NLRP13: variants seen among roughly 807,000 people sequenced by gnomAD.
NLRP13 encodes the protein NACHT, LRR and PYD domains-containing protein 13.
NLRP13 carries 82 observed loss-of-function variants against 94.4 expected under a neutral mutation model. The observed-to-expected ratio is 0.87, with a 90% confidence interval of 0.73 to 1.04. NLRP13 has a LOEUF of 1.04. Among genes scored for constraint, NLRP13 ranks in the 50% least tolerant of loss-of-function variants. NLRP13 has a pLI of 0.00. For missense variants in NLRP13, 1,426 were observed against 1,230.8 expected, an observed-to-expected ratio of 1.16 and a Z score of -2.37; for synonymous variants, 553 against 464.7, an observed-to-expected ratio of 1.19 and a Z score of -2.45.
chr19:55,928,385 C>T (rs1987021903), intron 1 of NLRP13, among the ~76,000 whole-genome samples: 1 of 152,158 alleles, frequency 6.6e-6, no homozygotes, highest in African/African-American at 2.4e-5. Flanking sequence ...TATACACCTA[C>T]TAAGTATCCA....
chr19:55,917,751 ACCAG>A (rs1986707224), intron 4 of NLRP13, among the ~76,000 whole-genome samples: 1 of 130,826 alleles, frequency 7.6e-6, no homozygotes, highest in Admixed American at 7.4e-5. Context: ...ATACATCCAT[ACCAG>A]AGTACCTAGA....
intron 7 of NLRP13, among the ~76,000 whole-genome samples, chr19:55,906,619 G>A (rs959610889): frequency 3.3e-5 from 5 of 152,106 alleles, no homozygotes; most frequent in African/African-American, 9.7e-5. Flanking sequence ...CCAGGCTGAG[G>A]AAGTTGAGAC....
chr19:55,930,519 C>A (rs1987085838), intron 1 of NLRP13, among the ~76,000 whole-genome samples: 1 of 151,744 alleles, frequency 6.6e-6, no homozygotes, highest in Non-Finnish European at 1.5e-5. Flanking sequence ...AACCCCGTCT[C>A]TACTACAAAT....
chr19:55,901,022 A>G (rs1986154604), intron 9 of NLRP13, among the ~76,000 whole-genome samples: 1 of 152,116 alleles, frequency 6.6e-6, no homozygotes, highest in Non-Finnish European at 1.5e-5. Context: ...CATAACCAGC[A>G]CTCAGTAAAA....
Position 55,896,050 on chromosome 19 carries a change from G to A in NLRP13, c.3027C>T (p.Ser1009=), listed in dbSNP as rs149891069. The part of the protein sequence containing the change: ...HLFSVLSSSK[S]LVNLNLLGNE... Reference sequence around the variant, plus strand: ...TGCCTAGAAGGTTCAGATTGACCAGGCTCTTACTGCTGCTGAGAACAGAGA... The same window carrying A: ...TGCCTAGAAGGTTCAGATTGACCAGACTCTTACTGCTGCTGAGAACAGAGA... The change falls in exon 11 of 11, where the codon AGC becomes AGT. Residue 1009 remains serine, a synonymous_variant. Transcript: ENST00000342929. 11 of 1,614,056 alleles carry A rather than the reference G, an allele frequency of 6.8e-6. No homozygotes were observed. The highest frequency in any genetic ancestry group is 1.7e-5 in the Admixed American group (1 of 59,996).
At chr19:55,904,002 C>T (rs902210650) in intron 8 of NLRP13, among the ~76,000 whole-genome samples, 1 of 152,162 alleles carries the variant, frequency 6.6e-6, no homozygotes, top group Non-Finnish European at 1.5e-5. Context: ...CTACACAGCC[C>T]AGCATATCCC....
In NLRP13 at chr19:55,912,190, A is replaced by T; in HGVS notation, c.1627T>A (p.Phe543Ile). Residue 543 changes from phenylalanine (F) to isoleucine (I), a missense_variant, in exon 5 of 11, where the codon TTT (phenylalanine) becomes ATT (isoleucine). Coordinates refer to ENST00000342929, the MANE Select transcript of NLRP13 (RefSeq NM_176810.2). Reference protein sequence around the residue: ...TFTHLSFQEFFAAMSFVLEEP... With the variant: ...TFTHLSFQEFIAAMSFVLEEP... ...TCTAGCACAAAGGACATGGCTGCAA[A>T]AAACTCCTGGAAACTTAGGTGGGTG... 1 of 1,614,186 alleles carries T rather than the reference A, an allele frequency of 6.2e-7. No individual in the cohort carries two copies. Among genetic ancestry groups the T allele is most frequent in the Non-Finnish European group, 8.5e-7 (1 of 1,180,034 alleles).
At chr19:55,920,210 T>C (rs950346570) in intron 4 of NLRP13, among the ~76,000 whole-genome samples, 5 of 152,182 alleles carry the variant, frequency 3.3e-5, no homozygotes, top group African/African-American at 4.8e-5. Flanking sequence ...ATGTAAGACC[T>C]GAAACTGTAA....
chr19:55,901,853 A>C (rs1986188154), intron 9 of NLRP13, among the ~76,000 whole-genome samples, 182 bp downstream of exon 9: 1 of 152,046 alleles, frequency 6.6e-6, no homozygotes, highest in South Asian at 2.1e-4. Context: ...TCCCCCAGAC[A>C]CACACACATT....
intron 1 of NLRP13, 149 bp downstream of exon 1, chr19:55,931,844 C>A (rs563377521): frequency 3.3e-5 from 23 of 704,438 alleles, no homozygotes; most frequent in Non-Finnish European, 5.2e-5. Flanking sequence ...AGCCTTTATG[C>A]CTTTAAACAT....
At chr19:55,930,655 C>A (rs1987089414) in intron 1 of NLRP13, among the ~76,000 whole-genome samples, 1 of 137,626 alleles carries the variant, frequency 7.3e-6, no homozygotes. Context: ...CATTGTACTC[C>A]AGCTTGGGTG....
chr19:55,923,825 G>C (rs1232211304), intron 4 of NLRP13, 89 bp downstream of exon 4: 2 of 891,224 alleles, frequency 2.2e-6, no homozygotes, highest in Non-Finnish European at 3.8e-6. Context: ...TGAAGAAAAT[G>C]TCAGTATGAG....
At chr19:55,903,205 C>T (rs151071081) in intron 8 of NLRP13, among the ~76,000 whole-genome samples, 5 of 152,164 alleles carry the variant, frequency 3.3e-5, no homozygotes, top group East Asian at 1.9e-4. Flanking sequence ...TAATTACACA[C>T]GTATGATTAA....
At chr19:55,894,003 A>C (rs1299345093), downstream of NLRP13, among the ~76,000 whole-genome samples, 3 of 148,740 alleles carry the variant, frequency 2.0e-5, no homozygotes, top group Admixed American at 2.0e-4. Flanking sequence ...GAGATGTACC[A>C]GTAACAGCTG....
At chr19:55,925,176 C>A in intron 1 of NLRP13, 141 bp from the exon 2 acceptor site, 1 of 733,914 alleles carries the variant, frequency 1.4e-6, no homozygotes, top group Admixed American at 2.2e-5. Flanking sequence ...TCTCAAGCTC[C>A]ATTAGCCCAA....
chr19:55,899,592 C>G (rs1406661176), intron 9 of NLRP13, among the ~76,000 whole-genome samples: 2 of 152,014 alleles, frequency 1.3e-5, no homozygotes, highest in Non-Finnish European at 2.9e-5. Context: ...CCAGCCTGCC[C>G]AACATGGTGA....
At chr19:55,905,892 T>G (rs949394170) in intron 7 of NLRP13, among the ~76,000 whole-genome samples, 31 of 152,148 alleles carry the variant, frequency 2.0e-4, no homozygotes, top group African/African-American at 7.0e-4. Flanking sequence ...CATCCCCAGT[T>G]TCAACTAATT....
Position 55,910,695 on chromosome 19 carries a change from C to T in NLRP13, c.2150G>A (p.Ser717Asn), listed in dbSNP as rs1317578342. The change falls in exon 6 of 11, where the codon AGC (serine) becomes AAC (asparagine). Residue 717 changes from serine (S) to asparagine (N), a missense_variant. Transcript: ENST00000342929. Reference protein sequence around the residue: ...KFDSRMHAWNSICSTLVTNEN... With the variant: ...KFDSRMHAWNNICSTLVTNEN... ...ATTTGTGACCAACGTAGAGCAAATG[C>T]TGTTCCATGCGTGCATCCTGGAATC... 15 of 1,612,250 alleles carry T rather than the reference C, an allele frequency of 9.3e-6. No homozygotes were observed. The highest frequency in any genetic ancestry group is 1.2e-5 in the Non-Finnish European group (14 of 1,178,636).
In NLRP13 at chr19:55,924,631, T is replaced by G. The variant is rs1316741940; in HGVS notation, c.416A>C (p.Asp139Ala). The G allele has an allele frequency of 1.2e-6, 2 of 1,613,598 alleles. No individual in the cohort carries two copies. The highest frequency in any genetic ancestry group is 4.5e-5 in the East Asian group (2 of 44,848). The change falls in exon 3 of 11, where the codon GAT becomes GCT. Residue 139 changes from aspartate to alanine, a missense_variant. Physicochemically the swap from Asp to Ala is moderately radical, Grantham distance 126. Coordinates refer to ENST00000342929, the MANE Select transcript of NLRP13 (RefSeq NM_176810.2). ...AGNMQTQGCQ[D>A]PNQEELDELE... is the part of the protein sequence containing the mutation. ...CTCGTCTAGTTCTTCTTGGTTTGGATCTTGGCATCCCTGGGTCTGCATATT... is the reference window on the plus strand; with the variant it reads ...CTCGTCTAGTTCTTCTTGGTTTGGAGCTTGGCATCCCTGGGTCTGCATATT...
Sources: gnomAD v4.1 joint callset for allele counts (sites outside exome capture counted in the v4.1 genomes callset) on GRCh38, gnomAD v4.1.1 for gene constraint, MANE v1.5 for transcripts, NCBI Gene and HGNC (gene_info 2026-07-23, HGNC 2026-07-21) for gene names.